IPCEF1: variants seen among roughly 807,000 people sequenced by gnomAD.
The protein encoded by IPCEF1 is interaction protein for cytohesin exchange factors 1.
A neutral mutation model predicts 50.9 loss-of-function variants in IPCEF1; 31 were observed. That is an observed-to-expected ratio of 0.61 (90% CI 0.46 to 0.82). The LOEUF is 0.82. Ranked by LOEUF, IPCEF1 falls within the 40% of genes least tolerant of loss-of-function variation. The pLI is 0.00. For missense variants in IPCEF1, 458 were observed against 514.0 expected (o/e 0.89, Z 1.05); for synonymous variants, 181 against 192.0 (o/e 0.94, Z 0.47).
intron 1 of IPCEF1, among the ~76,000 whole-genome samples, chr6:154,322,353 C>T (rs747510639): frequency 7.0e-6 from 1 of 143,738 alleles, no homozygotes; most frequent in Admixed American, 7.2e-5. Context: ...CCTGCCTCTA[C>T]AAAAAGTTTA....
intron 5 of IPCEF1, among the ~76,000 whole-genome samples, chr6:154,241,467 C>T (rs1474382442): frequency 2.0e-5 from 3 of 151,928 alleles, no homozygotes; most frequent in Admixed American, 2.0e-4. Flanking sequence ...AATGAAATTC[C>T]ACCCTTCTTA....
intron 2 of IPCEF1, among the ~76,000 whole-genome samples, chr6:154,273,527 A>G (rs1299350869): frequency 3.9e-5 from 6 of 152,112 alleles, no homozygotes; most frequent in Non-Finnish European, 8.8e-5. Context: ...GCCAATTAGT[A>G]GGAGATTTCA....
At chr6:154,309,337 C>T (rs1191757689) in intron 1 of IPCEF1, among the ~76,000 whole-genome samples, 2 of 152,152 alleles carry the variant, frequency 1.3e-5, no homozygotes, top group African/African-American at 4.8e-5. Context: ...TGGCAGGGCT[C>T]ACCATCTAAT....
In IPCEF1 at chr6:154,240,137, ATCAGTGT is replaced by A. The variant is rs1394432959; in HGVS notation, c.246+6447_246+6453del. On this transcript the variant is annotated intron_variant, in intron 5 of 11. Coordinates refer to ENST00000367220, the MANE Select transcript of IPCEF1 (RefSeq NM_001130700.2). ...CATTTTGGTAGAAGTCTGGGAACACATCAGTGTTCAATAATAATGCTCAATTTAATTA... is the reference window on the plus strand; with the variant it reads ...CATTTTGGTAGAAGTCTGGGAACACATCAATAATAATGCTCAATTTAATTA... Among the ~76,000 whole-genome samples the A allele has an allele frequency of 3.3e-5, 5 of 152,368 alleles. No individual in the cohort carries two copies. The East Asian group carries it at 9.6e-4, about 29-fold the overall frequency.
At chr6:154,200,106 C>G in intron 9 of IPCEF1, 66 bp from the exon 10 acceptor site, 1 of 1,419,028 alleles carries the variant, frequency 7.0e-7, no homozygotes, top group Non-Finnish European at 9.4e-7. Flanking sequence ...CATTCTCTAC[C>G]TTTTATTTTC....
chr6:154,176,475 T>G (rs1298955915), intron 10 of IPCEF1, among the ~76,000 whole-genome samples: 1 of 152,120 alleles, frequency 6.6e-6, no homozygotes, highest in African/African-American at 2.4e-5. Context: ...TTCAGCAAAG[T>G]CTCAGGATAC....
chr6:154,221,378 A>G (rs1021691008), intron 6 of IPCEF1, 50 bp from the exon 7 acceptor site: 6 of 1,394,314 alleles, frequency 4.3e-6, no homozygotes, highest in South Asian at 1.2e-5. Context: ...TTTATAGTCA[A>G]CAATGGGTCT....
intron 5 of IPCEF1, among the ~76,000 whole-genome samples, chr6:154,238,919 G>GTT (rs202069850): frequency 1.2e-4 from 17 of 147,772 alleles, no homozygotes; most frequent in African/African-American, 4.3e-4. Flanking sequence ...ATTCTATATT[G>GTT]TTGTTTTTTT....
Position 154,246,730 on chromosome 6 carries a change from G to A in IPCEF1, c.107C>T (p.Ser36Leu), listed in dbSNP as rs1781072329. The A allele has an allele frequency of 1.9e-6, 3 of 1,613,806 alleles. No individual in the cohort carries two copies. Among genetic ancestry groups the A allele is most frequent in the East Asian group, 2.2e-5 (1 of 44,874 alleles). The change falls in exon 5 of 12, where the codon TCG becomes TTG. Residue 36 changes from serine to leucine, a missense_variant. Transcript: ENST00000367220. ...GTCAGCATGGCCCAGATCTTTACAC[G>A]ATATCCTCCTCCGACTCATCGTGAG... is the stretch of plus-strand genomic sequence containing the variant. ...GFLTMSRRRI[S>L]CKDLGHADCQ... is the part of the protein sequence containing the mutation.
intron 3 of IPCEF1, among the ~76,000 whole-genome samples, chr6:154,260,304 C>T (rs915488367): frequency 5.9e-5 from 9 of 152,136 alleles, no homozygotes; most frequent in Non-Finnish European, 1.2e-4. Context: ...GATTTATATA[C>T]GTAACTTTTT....
intron 10 of IPCEF1, among the ~76,000 whole-genome samples, chr6:154,186,797 C>T (rs1247132536): frequency 1.3e-5 from 2 of 152,072 alleles, no homozygotes; most frequent in African/African-American, 4.8e-5. Flanking sequence ...ACCTCGTGAT[C>T]CACCTGCCTC....
chr6:154,316,151 C>T (rs987192487), intron 1 of IPCEF1, among the ~76,000 whole-genome samples: 2 of 152,200 alleles, frequency 1.3e-5, no homozygotes, highest in African/African-American at 2.4e-5. Context: ...AGCCACTGCT[C>T]CCAGCCAACA....
chr6:154,241,234 C>CAAAAAA (rs11308882), intron 5 of IPCEF1, among the ~76,000 whole-genome samples: 3 of 79,232 alleles, frequency 3.8e-5, no homozygotes, highest in African/African-American at 4.8e-5. Context: ...GACTCCATCT[C>CAAAAAA]AAAAAAAAAA....
intron 1 of IPCEF1, among the ~76,000 whole-genome samples, chr6:154,301,179 CATT>C (rs139467847): frequency 0.024 from 3,715 of 152,188 alleles, 167 homozygotes; most frequent in African/African-American, 0.085. Context: ...AGGTTAAAAT[CATT>C]GTTGTCGTAG....
intron 7 of IPCEF1, among the ~76,000 whole-genome samples, chr6:154,215,697 A>G (rs1169246436): frequency 6.6e-6 from 1 of 152,172 alleles, no homozygotes; most frequent in African/African-American, 2.4e-5. Flanking sequence ...TTAAGAAATC[A>G]CCTTCAGCAC....
intron 11 of IPCEF1, among the ~76,000 whole-genome samples, chr6:154,166,658 C>T (rs1267445012): frequency 6.6e-6 from 1 of 152,142 alleles, no homozygotes; most frequent in African/African-American, 2.4e-5. Context: ...TGTTTCTACA[C>T]CGGTAGAGTC....
At chr6:154,249,909 CT>C (rs11304782) in intron 3 of IPCEF1, among the ~76,000 whole-genome samples, 24,863 of 145,480 alleles carry the variant, frequency 0.17, 2,218 homozygotes, top group African/African-American at 0.19. Flanking sequence ...CAAAGAAAGG[CT>C]TTTTTTTTGT....
intron 10 of IPCEF1, among the ~76,000 whole-genome samples, chr6:154,181,633 G>T (rs1457590470): frequency 1.3e-5 from 2 of 152,200 alleles, no homozygotes; most frequent in African/African-American, 4.8e-5. Flanking sequence ...ATCCCTGCTT[G>T]AACTACTGCA....
chr6:154,247,332 C>T, intron 4 of IPCEF1, 117 bp downstream of exon 4: 1 of 746,860 alleles, frequency 1.3e-6, no homozygotes. Flanking sequence ...CTGCCGTCCA[C>T]CTCCTCTTAT....
Sources: allele counts gnomAD v4.1 joint callset (sites outside exome capture counted in the v4.1 genomes callset), GRCh38; gene constraint gnomAD v4.1.1; transcripts MANE v1.5; gene names NCBI Gene and HGNC (gene_info 2026-07-23, HGNC 2026-07-21).